Variants in EVC2 observed in about 807,000 individuals in gnomAD.
EVC2 encodes limbin.
In EVC2, 148 loss-of-function variants were observed where a neutral mutation model predicts 149.3. The observed-to-expected ratio is 0.99, with a 90% confidence interval of 0.87 to 1.14. The LOEUF is 1.14. EVC2 is among the 50% of genes most tolerant of loss of function. EVC2 has a pLI of 0.00. For synonymous variants in EVC2, 776 were observed against 649.9 expected (o/e 1.19, Z -2.95); for missense variants, 1,854 against 1,627.3 (o/e 1.14, Z -2.40).
At chr4:5,662,236 G>A (rs555972872) in intron 9 of EVC2, among the ~76,000 whole-genome samples, 3 of 151,798 alleles carry the variant, frequency 2.0e-5, no homozygotes, top group Non-Finnish European at 2.9e-5. Flanking sequence ...AACTTGGAAA[G>A]CTTCTTCATA....
At chr4:5,583,414 A>G (rs1483499535) in intron 17 of EVC2, among the ~76,000 whole-genome samples, 1 of 152,246 alleles carries the variant, frequency 6.6e-6, no homozygotes, top group Non-Finnish European at 1.5e-5. Flanking sequence ...GGAATAATTC[A>G]TATATGAGAC....
chr4:5,570,208 C>G (rs1047449032), intron 19 of EVC2, among the ~76,000 whole-genome samples: 17 of 152,318 alleles, frequency 1.1e-4, no homozygotes, highest in Non-Finnish European at 2.4e-4. Flanking sequence ...TAACCCCATT[C>G]CTGGAACAGA....
chr4:5,537,152 G>A, the EVC2 span, among the ~76,000 whole-genome samples: 10 of 152,216 alleles, frequency 6.6e-5, no homozygotes, highest in South Asian at 1.4e-3. Context: ...GAGTTGCCCC[G>A]CTTTCTGCCT....
chr4:5,542,255 C>A (rs911052232), downstream of EVC2, among the ~76,000 whole-genome samples: 2 of 151,988 alleles, frequency 1.3e-5, no homozygotes, highest in Non-Finnish European at 2.9e-5. Context: ...AGTTTGAGAC[C>A]AGCCTGGGAA....
At chr4:5,690,405 GTTTT>G (rs1165240823) in intron 4 of EVC2, among the ~76,000 whole-genome samples, 1 of 141,602 alleles carries the variant, frequency 7.1e-6, no homozygotes, top group Non-Finnish European at 1.6e-5. Context: ...GTGGGTTGTT[GTTTT>G]TTTTTTTTTT....
chr4:5,677,592 T>C lies in EVC2; in HGVS notation c.870+3668A>G, dbSNP rs1432476636. On this transcript the variant is annotated intron_variant, in intron 7 of 21. Coordinates refer to ENST00000344408, the MANE Select transcript of EVC2 (RefSeq NM_147127.5). This position sits in a 1 kb window ranked among gnomAD's most constrained non-coding sequence, Gnocchi z 4.3. ...CCTCGGCATGGCTCAATTCCATCCA[T>C]AAGTGAGCCTGCGGCATCGGGGAAG... Among the ~76,000 whole-genome samples, 1 of 152,228 alleles carries C rather than the reference T, an allele frequency of 6.6e-6. No homozygotes were observed. The highest frequency in any genetic ancestry group is 1.5e-5 in the Non-Finnish European group (1 of 68,022).
At position 5,573,709 on chromosome 4, in the gene EVC2, T is replaced by C. The variant is rs1722762065; in HGVS notation, c.3360+976A>G. On this transcript the variant is annotated intron_variant, in intron 19 of 21. Transcript: ENST00000344408. ...TTGTGGTCATTTGTGACAGCAGTGA[T>C]AGGAAACGAATTCATTCAGGAAGCT... Among the ~76,000 whole-genome samples the C allele has an allele frequency of 2.0e-5, 3 of 152,218 alleles. No individual in the cohort carries two copies. In the South Asian group the frequency reaches 6.2e-4, roughly 31 times the overall value.
intron 8 of EVC2, among the ~76,000 whole-genome samples, chr4:5,664,498 T>A (rs1719121300): frequency 6.6e-6 from 1 of 152,184 alleles, no homozygotes; most frequent in Non-Finnish European, 1.5e-5. Flanking sequence ...GTGCGTTTAG[T>A]TCTTCTGATT....
At chr4:5,566,596 A>G (rs2108768636) in intron 20 of EVC2, among the ~76,000 whole-genome samples, 1 of 152,330 alleles carries the variant, frequency 6.6e-6, no homozygotes, top group Middle Eastern at 3.4e-3. Context: ...GGACACAAGA[A>G]TAGTGCATGC....
intron 9 of EVC2, among the ~76,000 whole-genome samples, chr4:5,643,401 C>T (rs1305705080): frequency 2.6e-5 from 4 of 152,174 alleles, no homozygotes; most frequent in South Asian, 2.1e-4. Context: ...TTTTTCACAA[C>T]GTGCTGTTCT....
In EVC2 at chr4:5,632,015, GC is replaced by G. The variant is rs1716578851; in HGVS notation, c.1487del (p.Ser496ThrfsTer15). On this transcript the variant is annotated frameshift_variant, in exon 11 of 22. Transcript: ENST00000344408. LOFTEE classifies it high-confidence loss of function. ...RAGERSAVECSNLLRTLHGLE... is the reference protein window; with the variant it reads ...RAGERSAVECXNLLRTLHGLE... ...GGCCATGGAGGGTCCGCAGAAGGTT[GC>G]TGCACTCTACAGCAGACTGGAGAGA... 1 of 1,614,180 alleles carries G rather than the reference GC, an allele frequency of 6.2e-7. No individual in the cohort carries two copies. Among genetic ancestry groups the G allele is most frequent in the Non-Finnish European group, 8.5e-7 (1 of 1,180,022 alleles).
rs765852535 is a variant in EVC2 at position 5,565,388 on chromosome 4, T to G, written c.3558-29A>C. 9.3e-6 allele frequency: 15 copies of G among 1,604,320 alleles called. No homozygotes were observed. In the South Asian group the frequency reaches 1.7e-4, roughly 18 times the overall value. ...CAGGCAAGAAGGGAGTCTTATAGTT[T>G]CAAAAATACGCCTGTAATCCCACTG... On this transcript the variant is annotated intron_variant, in intron 20 of 21. Transcript: ENST00000344408.
At position 5,694,351 on chromosome 4, in the gene EVC2, G is replaced by T. The variant is rs369955469; in HGVS notation, c.434C>A (p.Pro145His). ...AATACTTACCAGGCGGTGTGTTATA[G>T]GAGACTCTCTTTTAAATAAGTTCTT... is the stretch of plus-strand genomic sequence containing the variant. ...PKKNLFKRES[P>H]ITHRLYGDIS... Residue 145 changes from proline (P) to histidine (H), a missense_variant, in exon 3 of 22, where the codon CCT becomes CAT. By Grantham distance (77) the Pro-to-His change is moderately conservative. Coordinates refer to ENST00000344408, the MANE Select transcript of EVC2 (RefSeq NM_147127.5). The T allele has an allele frequency of 3.1e-6, 5 of 1,614,060 alleles. No homozygotes were observed. In the East Asian group the frequency reaches 8.9e-5, roughly 29 times the overall value.
At chr4:5,689,086 A>C in intron 5 of EVC2, 71 bp downstream of exon 5, 1 of 1,554,788 alleles carries the variant, frequency 6.4e-7, no homozygotes, top group Non-Finnish European at 8.8e-7. Flanking sequence ...CTGACCCAGA[A>C]CACATTCACC....
At chr4:5,671,799 T>C (rs1036273511) in intron 7 of EVC2, among the ~76,000 whole-genome samples, 1 of 152,246 alleles carries the variant, frequency 6.6e-6, no homozygotes, top group Admixed American at 6.5e-5. Flanking sequence ...CGTCAGCCAC[T>C]GCGCCTGGCC....
chr4:5,688,891 T>G (rs1269634839), intron 5 of EVC2, among the ~76,000 whole-genome samples: 1 of 152,208 alleles, frequency 6.6e-6, no homozygotes, highest in Non-Finnish European at 1.5e-5. Context: ...AAATAGACTA[T>G]GTATTTTTAA....
intron 9 of EVC2, among the ~76,000 whole-genome samples, chr4:5,651,043 G>A (rs10034351): frequency 4.6e-5 from 7 of 151,998 alleles, no homozygotes; most frequent in Admixed American, 4.6e-4. Context: ...TGGGTGGATG[G>A]CTGCATGGGT....
chr4:5,664,228 A>G (rs950272763), intron 8 of EVC2, among the ~76,000 whole-genome samples: 1 of 152,192 alleles, frequency 6.6e-6, no homozygotes, highest in Admixed American at 6.5e-5. Context: ...CACACAGCTC[A>G]GAAGAGCCCG....
chr4:5,689,493 G>C (rs770198929), intron 4 of EVC2, 150 bp from the exon 5 acceptor site: 8 of 794,942 alleles, frequency 1.0e-5, no homozygotes, highest in Non-Finnish European at 1.7e-5. Flanking sequence ...ATCAGTCTCA[G>C]TATGATTTCA....
Sources: gnomAD v4.1 joint callset for allele counts (sites outside exome capture counted in the v4.1 genomes callset) on GRCh38, gnomAD v4.1.1 for gene constraint, Gnocchi (gnomAD v3.1) non-coding constraint, MANE v1.5 for transcripts, NCBI Gene and HGNC (gene_info 2026-07-23, HGNC 2026-07-21) for gene names.